Variants in OR13A1 observed in about 807,000 individuals in gnomAD.
OR13A1 encodes olfactory receptor family 13 subfamily A member 1.
A neutral mutation model predicts 7.5 loss-of-function variants in OR13A1; 10 were observed. The observed-to-expected ratio is 1.34, with a 90% CI of 0.83 to 2.27. OR13A1 has a LOEUF of 2.27. OR13A1 is among the 30% of genes most tolerant of loss of function. OR13A1 has a pLI of 0.00. For missense variants in OR13A1, 509 were observed against 419.1 expected (o/e 1.21, Z -1.87); for synonymous variants, 238 against 177.9 (o/e 1.34, Z -2.69).
intron 1 of OR13A1, among the ~76,000 whole-genome samples, chr10:45,312,296 C>A (rs1838460039): frequency 6.6e-6 from 1 of 151,866 alleles, no homozygotes; most frequent in South Asian, 2.1e-4. Flanking sequence ...GAAACTCACA[C>A]CAAGCCACAT....
At chr10:45,314,921 C>T (rs904483577) in intron 1 of OR13A1, among the ~76,000 whole-genome samples, 2 of 152,024 alleles carry the variant, frequency 1.3e-5, no homozygotes, top group Non-Finnish European at 2.9e-5. Flanking sequence ...GGTTCAAAAA[C>T]CTCCAAACAA....
chr10:45,310,463 T>C (rs560067252), intron 1 of OR13A1, among the ~76,000 whole-genome samples: 1 of 152,214 alleles, frequency 6.6e-6, no homozygotes, highest in South Asian at 2.1e-4. Context: ...AAAGCTCAAA[T>C]AATACAATTT....
chr10:45,306,920 G>A (rs1173740100), intron 3 of OR13A1, among the ~76,000 whole-genome samples: 1 of 152,224 alleles, frequency 6.6e-6, no homozygotes, highest in African/African-American at 2.4e-5. Context: ...CTGAGTTTGA[G>A]TTGTGGATCT....
Position 45,303,665 on chromosome 10 carries a change from T to C in OR13A1, c.758A>G (p.Gln253Arg), listed in dbSNP as rs1838255330. The change falls in exon 4 of 4, where the codon CAG (glutamine) becomes CGG (arginine). Residue 253 changes from glutamine to arginine, a missense_variant. By Grantham distance (43) the Gln-to-Arg change is conservative (BLOSUM62 1). Transcript: ENST00000553795. ...GGAAGAGCAGGTGGAGAAGGCTTTC[T>C]GCCTCCCCCAGGCAGTCTTCACCTT... is the stretch of plus-strand genomic sequence containing the variant. ...ILKVKTAWGRQKAFSTCSSHL... is the reference protein window; with the variant it reads ...ILKVKTAWGRRKAFSTCSSHL... The C allele has an allele frequency of 6.2e-7, 1 of 1,614,186 alleles. No homozygotes were observed. Among genetic ancestry groups the C allele is most frequent in the East Asian group, 2.2e-5 (1 of 44,876 alleles).
intron 3 of OR13A1, among the ~76,000 whole-genome samples, chr10:45,305,339 T>C (rs1372962437): frequency 6.6e-6 from 1 of 152,174 alleles, no homozygotes; most frequent in African/African-American, 2.4e-5. Context: ...AGCAGATTTG[T>C]TTCCACTGAT....
At chr10:45,314,915 C>CA (rs1838498377) in intron 1 of OR13A1, among the ~76,000 whole-genome samples, 2 of 152,080 alleles carry the variant, frequency 1.3e-5, no homozygotes, top group Non-Finnish European at 2.9e-5. Flanking sequence ...TAAACTGGTT[C>CA]AAAAACCTCC....
At position 45,310,760 on chromosome 10, in the gene OR13A1, G is replaced by A. The variant is rs541742361; in HGVS notation, c.-224-2952C>T. ...AACTGAGATTCGAGGAAGAAAAAAA[G>A]GATGATTATATACTTACACAAGAAA... On this transcript the variant is annotated intron_variant, in intron 1 of 3. Transcript: ENST00000553795. Among the ~76,000 whole-genome samples, 17 of 152,160 alleles carry A rather than the reference G, an allele frequency of 1.1e-4. No individual in the cohort carries two copies. In the South Asian group the frequency reaches 1.7e-3, roughly 15 times the overall value.
chr10:45,303,898 G>A lies in OR13A1; in HGVS notation c.525C>T (p.Ala175=). The change falls in exon 4 of 4, where the codon GCC becomes GCT. Residue 175 remains alanine, a synonymous_variant. Coordinates refer to ENST00000553795, the MANE Select transcript of OR13A1 (RefSeq NM_001004297.3). ...AVWLLCAVNT[A]IHTGLMLRLD... Reference sequence around the variant, plus strand: ...AGCGCAGCATCAGCCCCGTGTGGATGGCCGTGTTGACGGCGCAGAGCAGCC... The same window carrying A: ...AGCGCAGCATCAGCCCCGTGTGGATAGCCGTGTTGACGGCGCAGAGCAGCC... The A allele has an allele frequency of 6.2e-7, 1 of 1,613,512 alleles. No homozygotes were observed. Among genetic ancestry groups the A allele is most frequent in the South Asian group, 1.1e-5 (1 of 91,084 alleles).
chr10:45,306,862 G>C (rs1348538262), intron 3 of OR13A1, among the ~76,000 whole-genome samples: 3 of 152,164 alleles, frequency 2.0e-5, no homozygotes, highest in Admixed American at 2.0e-4. Context: ...ATATGCTTTA[G>C]CTGATTTCAT....
chr10:45,303,573 A>G lies in OR13A1; in HGVS notation c.850T>C (p.Tyr284His), dbSNP rs1838252929. The change falls in exon 4 of 4, where the codon TAC (tyrosine) becomes CAC (histidine). Residue 284 changes from tyrosine (Y) to histidine (H), a missense_variant. Transcript: ENST00000553795. Reference protein sequence around the residue: ...FYAYISPVSGYSAGKSKLAGL... With the variant: ...FYAYISPVSGHSAGKSKLAGL... ...GCCAACTTGCTCTTCCCTGCGCTGT[A>G]GCCAGAGACCGGGCTTATGTAGGCG... 6.2e-7 allele frequency: 1 copy of G among 1,614,006 alleles called. No individual in the cohort carries two copies. The highest frequency in any genetic ancestry group is 1.3e-5 in the African/African-American group (1 of 74,918).
chr10:45,302,633 T>C (rs1391955417), downstream of OR13A1: 1 of 152,186 alleles, frequency 6.6e-6, no homozygotes, highest in Non-Finnish European at 1.5e-5. Flanking sequence ...ATAAAGATAA[T>C]GGATTTTCCA....
intron 1 of OR13A1, among the ~76,000 whole-genome samples, chr10:45,312,092 A>G (rs1285588602): frequency 1.3e-5 from 2 of 152,112 alleles, no homozygotes; most frequent in Non-Finnish European, 2.9e-5. Flanking sequence ...TAAACATAAG[A>G]ACTGTAAGTG....
rs774142692 is a variant in OR13A1 at position 45,304,394 on chromosome 10, A to G, written c.29T>C (p.Ile10Thr). 6.2e-6 allele frequency: 10 copies of G among 1,613,572 alleles called. No homozygotes were observed. The highest frequency in any genetic ancestry group is 2.2e-5 in the South Asian group (2 of 91,034). Reference sequence around the variant, plus strand: ...TGGGCTGGGACGGGTTTCTGGGACTATCAGGTGACTCTCCATCCACAGCTT... The same window carrying G: ...TGGGCTGGGACGGGTTTCTGGGACTGTCAGGTGACTCTCCATCCACAGCTT... MKLWMESHLIVPETRPSPRM... is the reference protein window; with the variant it reads MKLWMESHLTVPETRPSPRM... The change falls in exon 4 of 4, where the codon ATA becomes ACA. Residue 10 changes from isoleucine to threonine, a missense_variant. By Grantham distance (89) the Ile-to-Thr change is moderately conservative. Transcript: ENST00000553795.
chr10:45,309,715 G>A (rs370175135), intron 1 of OR13A1, among the ~76,000 whole-genome samples: 9 of 152,140 alleles, frequency 5.9e-5, no homozygotes, highest in East Asian at 1.9e-4. Context: ...CAGGATGTAC[G>A]TAGATGTATG....
rs751843556 is a variant in OR13A1, at chr10:45,303,592, G to A, written c.831C>T (p.Tyr277=). Residue 277 remains tyrosine (Y), a synonymous_variant, in exon 4 of 4, where the codon TAC becomes TAT. Transcript: ENST00000553795. ...CMYYTAVFYA[Y]ISPVSGYSAG... The stretch of plus-strand genomic sequence containing the variant: ...CGCTGTAGCCAGAGACCGGGCTTAT[G>A]TAGGCGTAGAAGACAGCGGTGTAAT... 18 of 1,614,004 alleles carry A rather than the reference G, an allele frequency of 1.1e-5. No individual in the cohort carries two copies. Among genetic ancestry groups the A allele is most frequent in the East Asian group, 2.2e-5 (1 of 44,890 alleles).
chr10:45,313,118 T>C (rs1478603124), intron 1 of OR13A1, among the ~76,000 whole-genome samples: 1 of 152,108 alleles, frequency 6.6e-6, no homozygotes, highest in East Asian at 1.9e-4. Context: ...ACATTACATA[T>C]GAAGATGTAA....
intron 1 of OR13A1, among the ~76,000 whole-genome samples, chr10:45,314,597 T>TA (rs1838494755): frequency 1.3e-5 from 2 of 151,400 alleles, no homozygotes; most frequent in Non-Finnish European, 1.5e-5. Flanking sequence ...ATATAGAATA[T>TA]AAAAACAATA....
In OR13A1 at chr10:45,307,574, A is replaced by T. The variant is rs1838359007; in HGVS notation, c.-154-7T>A. 6.6e-6 allele frequency: 1 copy of T among 152,214 alleles called. No homozygotes were observed. Among genetic ancestry groups the T allele is most frequent in the South Asian group, 2.1e-4 (1 of 4,832 alleles). The allele number at this position is 152,214 out of a possible 1,614,324, so 9.4% of individuals were successfully genotyped here. ...CCTCAGCCAGTCATTTCTTCTGAAA[A>T]ATAACAAAGACCTTGCTCCCTTGAG... On this transcript the variant is annotated splice_region_variant and splice_polypyrimidine_tract_variant and intron_variant, in intron 2 of 3. Transcript: ENST00000553795.
At chr10:45,313,640 A>T (rs575165381) in intron 1 of OR13A1, among the ~76,000 whole-genome samples, 1 of 152,264 alleles carries the variant, frequency 6.6e-6, no homozygotes, top group East Asian at 1.9e-4. Context: ...CCAACAAAAT[A>T]GACTTAAAGT....
Sources: gnomAD v4.1 joint callset for allele counts (sites outside exome capture counted in the v4.1 genomes callset) on GRCh38, gnomAD v4.1.1 for gene constraint, MANE v1.5 for transcripts, NCBI Gene and HGNC (gene_info 2026-07-23, HGNC 2026-07-21) for gene names.